The following CDK15 variants were observed in gnomAD, a reference collection of about 807,000 sequenced individuals.
The protein encoded by CDK15 is cyclin dependent kinase 15.
Under a neutral mutation model 60.3 loss-of-function variants are expected in CDK15, and 62 were observed. That is an observed-to-expected ratio of 1.03 (90% CI 0.84 to 1.27). The LOEUF (loss-of-function observed/expected upper bound fraction) is 1.27, where lower values mean the gene tolerates loss of function less well. Among genes scored for constraint, CDK15 ranks in the 50% most tolerant of loss-of-function variants. The probability of loss-of-function intolerance (pLI) is 0.00; values close to 1 mark genes in which losing one functional copy is unlikely to be tolerated. For missense variants in CDK15, 541 were observed against 527.8 expected, an observed-to-expected ratio of 1.03 and a Z score of -0.25; for synonymous variants, 194 against 195.7, an observed-to-expected ratio of 0.99 and a Z score of 0.07.
chr2:201,821,370 T>C (rs1696212415), intron 4 of CDK15, among the ~76,000 whole-genome samples: 1 of 152,040 alleles, frequency 6.6e-6, no homozygotes, highest in Admixed American at 6.6e-5. Flanking sequence ...ACGGTTGTTT[T>C]TCCAGGGGAA....
intron 9 of CDK15, among the ~76,000 whole-genome samples, chr2:201,848,997 A>T (rs567581601): frequency 6.6e-6 from 1 of 152,200 alleles, no homozygotes; most frequent in Non-Finnish European, 1.5e-5. Context: ...CTATCTTCAC[A>T]TTATGTTATT....
At chr2:201,872,665 T>C (rs1423786465) in intron 11 of CDK15, among the ~76,000 whole-genome samples, 2 of 146,530 alleles carry the variant, frequency 1.4e-5, no homozygotes, top group South Asian at 2.4e-4. Context: ...TGAGTGGCTA[T>C]TGGAGGGGGG....
At chr2:201,808,091 A>T (rs1414286754) in intron 3 of CDK15, 139 bp downstream of exon 3, 2 of 626,260 alleles carry the variant, frequency 3.2e-6, no homozygotes, top group South Asian at 5.4e-5. Flanking sequence ...ACAGGGAGAG[A>T]GACATGATAA....
intron 3 of CDK15, among the ~76,000 whole-genome samples, chr2:201,808,419 T>C (rs940394118): frequency 3.9e-5 from 6 of 152,244 alleles, no homozygotes; most frequent in African/African-American, 1.2e-4. Context: ...CTGCAAATTA[T>C]GGTACATGCA....
At chr2:201,838,643 G>C (rs1410864285) in intron 8 of CDK15, among the ~76,000 whole-genome samples, 1 of 151,828 alleles carries the variant, frequency 6.6e-6, no homozygotes, top group African/African-American at 2.4e-5. Flanking sequence ...CTGGCTTCAA[G>C]AGATCCTCCT....
At chr2:201,873,390 C>T (rs2105819743) in intron 11 of CDK15, among the ~76,000 whole-genome samples, 1 of 152,288 alleles carries the variant, frequency 6.6e-6, no homozygotes, top group South Asian at 2.1e-4. Flanking sequence ...TCAAGACGTG[C>T]AGTATAGTCA....
intron 4 of CDK15, 143 bp downstream of exon 4, chr2:201,812,705 C>A: frequency 2.0e-6 from 1 of 496,776 alleles, no homozygotes; most frequent in South Asian, 3.2e-5. Context: ...ACAAGTTTTT[C>A]AAGAAATTTA....
chr2:201,809,466 T>C (rs1054255095), intron 3 of CDK15, among the ~76,000 whole-genome samples: 3 of 152,250 alleles, frequency 2.0e-5, no homozygotes, highest in Non-Finnish European at 2.9e-5. Context: ...CATGATTATA[T>C]ATTAGATCTC....
intron 6 of CDK15, among the ~76,000 whole-genome samples, chr2:201,827,348 G>A (rs1297112601): frequency 6.6e-6 from 1 of 152,190 alleles, no homozygotes; most frequent in South Asian, 2.1e-4. Flanking sequence ...TGGGAGGCTA[G>A]GTGGGTGGAT....
chr2:201,837,633 GT>G (rs1371843364), intron 8 of CDK15, among the ~76,000 whole-genome samples: 1 of 152,136 alleles, frequency 6.6e-6, no homozygotes, highest in Non-Finnish European at 1.5e-5. Context: ...TAGAACGGCA[GT>G]GTTATTTTCT....
At chr2:201,858,863 C>T (rs1367949989) in intron 10 of CDK15, among the ~76,000 whole-genome samples, 1 of 151,984 alleles carries the variant, frequency 6.6e-6, no homozygotes, top group African/African-American at 2.4e-5. Flanking sequence ...TAGTAACATC[C>T]CCTCAAAGAA....
chr2:201,837,412 G>A, intron 8 of CDK15, among the ~76,000 whole-genome samples: 1 of 100,718 alleles, frequency 9.9e-6, no homozygotes, highest in East Asian at 3.5e-4. Flanking sequence ...GAGGTGGGGA[G>A]GGAGGGAGGG....
intron 6 of CDK15, among the ~76,000 whole-genome samples, chr2:201,825,953 G>A (rs756128774): frequency 6.0e-4 from 91 of 152,180 alleles, no homozygotes; most frequent in Non-Finnish European, 1.2e-3. Flanking sequence ...GTGAGAGAGT[G>A]AGATTTTCAG....
intron 9 of CDK15, among the ~76,000 whole-genome samples, chr2:201,849,306 C>T (rs1263045370): frequency 1.3e-5 from 2 of 152,212 alleles, no homozygotes; most frequent in Admixed American, 1.3e-4. Context: ...TTTCAATAAC[C>T]TAACTGCTAG....
intron 7 of CDK15, 135 bp downstream of exon 7, chr2:201,834,106 AC>A: frequency 9.2e-7 from 1 of 1,087,420 alleles, no homozygotes; most frequent in Non-Finnish European, 1.2e-6. Context: ...ATATCAAACT[AC>A]CACAAAGGAA....
At chr2:201,826,337 G>C (rs111632553) in intron 6 of CDK15, among the ~76,000 whole-genome samples, 8,507 of 151,938 alleles carry the variant, frequency 0.056, 409 homozygotes, top group African/African-American at 0.13. Flanking sequence ...GCGGGCGCCT[G>C]TAGTCCCAGC....
chr2:201,829,155 G>C (rs1036668926), intron 6 of CDK15, among the ~76,000 whole-genome samples: 1 of 152,210 alleles, frequency 6.6e-6, no homozygotes, highest in Non-Finnish European at 1.5e-5. Context: ...ACTGATGACA[G>C]TGTGGTGAAT....
chr2:201,810,831 T>C (rs916201817), intron 3 of CDK15, among the ~76,000 whole-genome samples: 2 of 143,078 alleles, frequency 1.4e-5, no homozygotes, highest in African/African-American at 5.2e-5. Context: ...GATGATGGTA[T>C]GCACTCTTTT....
chr2:201,829,155 G>A (rs1036668926), intron 6 of CDK15, among the ~76,000 whole-genome samples: 1 of 152,210 alleles, frequency 6.6e-6, no homozygotes, highest in African/African-American at 2.4e-5. Context: ...ACTGATGACA[G>A]TGTGGTGAAT....
Sources: gnomAD v4.1 joint callset for allele counts (sites outside exome capture counted in the v4.1 genomes callset) on GRCh38, gnomAD v4.1.1 for gene constraint, MANE v1.5 for transcripts, NCBI Gene and HGNC (gene_info 2026-07-23, HGNC 2026-07-21) for gene names.